PDE7B: variants seen among roughly 807,000 people sequenced by gnomAD.
PDE7B encodes phosphodiesterase 7B, also known as 3',5'-cyclic-AMP phosphodiesterase 7B.
A neutral mutation model predicts 56.2 loss-of-function variants in PDE7B; 29 were observed. The ratio of observed to expected loss-of-function variants is 0.52; its 90% confidence interval spans 0.38 to 0.70. PDE7B has a LOEUF of 0.70. Ranked by LOEUF, PDE7B falls within the 30% of genes least tolerant of loss-of-function variation. The pLI is 0.00. For synonymous variants in PDE7B, 197 were observed against 196.9 expected (o/e 1.00, Z 0.00); for missense variants, 490 against 565.0 (o/e 0.87, Z 1.35).
At chr6:135,868,703 G>C (rs1286116574) in intron 1 of PDE7B, among the ~76,000 whole-genome samples, 1 of 152,186 alleles carries the variant, frequency 6.6e-6, no homozygotes, top group Non-Finnish European at 1.5e-5. Flanking sequence ...AAAGTACTGA[G>C]ATTACAGGTG....
intron 1 of PDE7B, among the ~76,000 whole-genome samples, chr6:135,908,927 G>C (rs1461727211): frequency 3.3e-5 from 5 of 152,066 alleles, no homozygotes; most frequent in South Asian, 2.1e-4. Flanking sequence ...AAGTTTACCT[G>C]GTATCTCCAG....
At chr6:136,000,653 C>T (rs1218247611) in intron 2 of PDE7B, among the ~76,000 whole-genome samples, 1 of 152,092 alleles carries the variant, frequency 6.6e-6, no homozygotes, top group Non-Finnish European at 1.5e-5. Flanking sequence ...GTTACTGTAG[C>T]CCTGTAATAT....
At chr6:135,961,141 C>T (rs1032185433) in intron 2 of PDE7B, among the ~76,000 whole-genome samples, 1 of 152,068 alleles carries the variant, frequency 6.6e-6, no homozygotes, top group Non-Finnish European at 1.5e-5. Flanking sequence ...TTGCCGATTA[C>T]CACTATAGTG....
At chr6:136,055,996 C>A (rs1374710664) in intron 2 of PDE7B, among the ~76,000 whole-genome samples, 1 of 152,024 alleles carries the variant, frequency 6.6e-6, no homozygotes, top group Non-Finnish European at 1.5e-5. Context: ...AAAGTAACAC[C>A]GGCTTTTTAA....
At chr6:136,022,037 G>A (rs1170470370) in intron 2 of PDE7B, among the ~76,000 whole-genome samples, 1 of 152,126 alleles carries the variant, frequency 6.6e-6, no homozygotes, top group Admixed American at 6.5e-5. Context: ...TTTAGACATA[G>A]CAGCTAGTTC....
intron 1 of PDE7B, among the ~76,000 whole-genome samples, chr6:135,861,420 G>A (rs1319112438): frequency 1.3e-5 from 2 of 151,330 alleles, no homozygotes; most frequent in Non-Finnish European, 3.0e-5. Context: ...CTAATGGTCT[G>A]AGCACCTTTT....
chr6:136,073,244 G>A lies in PDE7B; in HGVS notation c.83-35487G>A, dbSNP rs149333037. 5.9e-5 allele frequency among the ~76,000 whole-genome samples: 9 copies of A among 152,224 alleles called. No individual in the cohort carries two copies. In the East Asian group the frequency reaches 1.2e-3, roughly 20 times the overall value. On this transcript the variant is annotated intron_variant, in intron 2 of 12. Coordinates refer to ENST00000308191, the MANE Select transcript of PDE7B (RefSeq NM_018945.4). ...ACGTGTGCACAGAGTGCCTCCGTAC[G>A]CCATGCATTGTGACAGGTCCTGGGG...
intron 2 of PDE7B, among the ~76,000 whole-genome samples, chr6:136,026,991 G>A (rs772568624): frequency 2.6e-5 from 4 of 152,182 alleles, no homozygotes; most frequent in East Asian, 1.9e-4. Flanking sequence ...TAGAGCCTTC[G>A]TAATTGGATT....
chr6:136,172,089 T>TC (rs1302302097), intron 8 of PDE7B, among the ~76,000 whole-genome samples: 3 of 152,206 alleles, frequency 2.0e-5, no homozygotes, highest in African/African-American at 7.2e-5. Context: ...ATAGTGCTGC[T>TC]ATAAACATAC....
intron 1 of PDE7B, among the ~76,000 whole-genome samples, chr6:135,886,871 G>A (rs1269824612): frequency 6.6e-6 from 1 of 151,976 alleles, no homozygotes; most frequent in African/African-American, 2.4e-5. Flanking sequence ...CTTTTCCTTT[G>A]GGTAGATACC....
chr6:135,997,102 T>C (rs1198318728), intron 2 of PDE7B, among the ~76,000 whole-genome samples: 1 of 152,110 alleles, frequency 6.6e-6, no homozygotes, highest in African/African-American at 2.4e-5. Context: ...TGTTGTTTTA[T>C]TTTTTATTGA....
chr6:136,138,626 T>A (rs1778256976), intron 3 of PDE7B, among the ~76,000 whole-genome samples: 1 of 152,168 alleles, frequency 6.6e-6, no homozygotes, highest in African/African-American at 2.4e-5. Context: ...GCTATTGTTT[T>A]CGCAAATGGC....
At chr6:135,896,540 C>T (rs569905760) in intron 1 of PDE7B, among the ~76,000 whole-genome samples, 1 of 152,124 alleles carries the variant, frequency 6.6e-6, no homozygotes, top group Non-Finnish European at 1.5e-5. Context: ...CCACTGTATG[C>T]CTGCTCATGT....
chr6:136,195,459 A>G lies in PDE7B; in HGVS notation c.*3619A>G, dbSNP rs979534812. On this transcript the variant is annotated 3_prime_UTR_variant, in exon 13 of 13. Coordinates refer to ENST00000308191, the MANE Select transcript of PDE7B (RefSeq NM_018945.4). ...TTGTATACACATGTGAGGTTTGAAA[A>G]AAAAAAAAAAAAAAAAAAGAACTAC... is the stretch of plus-strand genomic sequence containing the variant. 769 of 131,848 alleles carry G rather than the reference A, an allele frequency of 5.8e-3. 6 individuals carry two copies. The highest frequency in any genetic ancestry group is 0.027 in the African/African-American group (727 of 26,640). The allele number at this position is 131,848 out of a possible 1,614,324, so 8.2% of individuals were successfully genotyped here.
chr6:136,183,619 GA>G (rs367881738), intron 11 of PDE7B, among the ~76,000 whole-genome samples: 18 of 140,390 alleles, frequency 1.3e-4, no homozygotes, highest in Middle Eastern at 3.8e-3. Context: ...AAAAGAAAAA[GA>G]AAAAAAAAAG....
At chr6:135,856,360 A>G (rs955261067) in intron 1 of PDE7B, among the ~76,000 whole-genome samples, 1 of 152,204 alleles carries the variant, frequency 6.6e-6, no homozygotes, top group African/African-American at 2.4e-5. Flanking sequence ...TACAAGACAA[A>G]CGTCTTTTTC....
chr6:136,109,965 G>C (rs1001915128), intron 3 of PDE7B, among the ~76,000 whole-genome samples: 8 of 152,108 alleles, frequency 5.3e-5, no homozygotes, highest in African/African-American at 1.9e-4. Context: ...CAGCTAAAGA[G>C]GCAATTTGAT....
intron 1 of PDE7B, among the ~76,000 whole-genome samples, chr6:135,930,051 A>G (rs1368002645): frequency 1.3e-5 from 2 of 152,192 alleles, no homozygotes; most frequent in African/African-American, 2.4e-5. Flanking sequence ...CACACTGCTG[A>G]TAAAGACATA....
chr6:136,124,720 G>A (rs948155715), intron 3 of PDE7B, among the ~76,000 whole-genome samples: 1 of 152,126 alleles, frequency 6.6e-6, no homozygotes, highest in Non-Finnish European at 1.5e-5. Context: ...TCACATAGCA[G>A]GATCTTGACA....
Sources: gnomAD v4.1 joint callset for allele counts (sites outside exome capture counted in the v4.1 genomes callset) on GRCh38, gnomAD v4.1.1 for gene constraint, MANE v1.5 for transcripts, NCBI Gene and HGNC (gene_info 2026-07-23, HGNC 2026-07-21) for gene names.